PRKDC: variants seen among roughly 807,000 people sequenced by gnomAD.
The protein encoded by PRKDC is protein kinase, DNA-activated, catalytic subunit.
A neutral mutation model predicts 486.9 loss-of-function variants in PRKDC; 82 were observed. That is an observed-to-expected ratio of 0.17 (90% CI 0.14 to 0.20). PRKDC has a LOEUF of 0.20. Among genes scored for constraint, PRKDC ranks in the 10% least tolerant of loss-of-function variants. The probability of loss-of-function intolerance (pLI) is 1.00; values close to 1 mark genes in which losing one functional copy is unlikely to be tolerated. For missense variants in PRKDC, 4,504 were observed against 5,038.2 expected, an observed-to-expected ratio of 0.89 and a Z score of 3.21; for synonymous variants, 1,895 against 1,837.0, an observed-to-expected ratio of 1.03 and a Z score of -0.81.
At chr8:47,896,519 T>A (rs1362711816) in intron 30 of PRKDC, among the ~76,000 whole-genome samples, 5 of 151,772 alleles carry the variant, frequency 3.3e-5, no homozygotes, top group African/African-American at 7.3e-5. Context: ...CGGTGGCGGG[T>A]GCCTGTAGTC....
In PRKDC at chr8:47,788,902, A is replaced by G; in HGVS notation, c.10902+4T>C. On this transcript the variant is annotated splice_donor_region_variant and intron_variant, in intron 76 of 85. Transcript: ENST00000314191. Reference sequence around the variant, plus strand: ...TCAAAATAGCAGGCTGTGCCAGTCCATACCTGAATAAACTTCCTTCTAAAG... The same window carrying G: ...TCAAAATAGCAGGCTGTGCCAGTCCGTACCTGAATAAACTTCCTTCTAAAG... The G allele has an allele frequency of 1.3e-6, 2 of 1,589,780 alleles. No individual in the cohort carries two copies. Among genetic ancestry groups the G allele is most frequent in the Non-Finnish European group, 8.5e-7 (1 of 1,172,330 alleles).
At chr8:47,943,666 T>C (rs1309842548) in intron 9 of PRKDC, among the ~76,000 whole-genome samples, 187 bp downstream of exon 9, 1 of 152,216 alleles carries the variant, frequency 6.6e-6, no homozygotes, top group African/African-American at 2.4e-5. Flanking sequence ...CTTTCAACCA[T>C]GTAACCTGAG....
chr8:47,932,092 T>C (rs1344873583), intron 16 of PRKDC, among the ~76,000 whole-genome samples: 2 of 150,738 alleles, frequency 1.3e-5, no homozygotes, highest in African/African-American at 2.4e-5. Flanking sequence ...TTTGTTTGTT[T>C]GTTTGTTTTG....
intron 22 of PRKDC, among the ~76,000 whole-genome samples, chr8:47,916,088 A>G (rs1450968278): frequency 6.6e-6 from 1 of 152,270 alleles, no homozygotes; most frequent in East Asian, 1.9e-4. Flanking sequence ...AGATATTCCA[A>G]ATGTTGACAC....
chr8:47,831,407 G>A (rs1164419642), intron 60 of PRKDC, among the ~76,000 whole-genome samples: 1 of 152,196 alleles, frequency 6.6e-6, no homozygotes, highest in Non-Finnish European at 1.5e-5. Context: ...TGGACGCCGC[G>A]GCTACGGAGT....
At chr8:47,786,723 CT>C (rs5891257) in intron 76 of PRKDC, among the ~76,000 whole-genome samples, 77 of 88,244 alleles carry the variant, frequency 8.7e-4, no homozygotes, top group African/African-American at 3.4e-3. Context: ...ATTATTTAAT[CT>C]TTTTTTTTTT....
chr8:47,830,859 C>A (rs1214217282), intron 60 of PRKDC, 123 bp from the exon 61 acceptor site: 2 of 1,197,488 alleles, frequency 1.7e-6, no homozygotes, highest in Admixed American at 1.9e-5. Context: ...AACTGATGCT[C>A]GCAGAGGCTC....
chr8:47,952,671 C>T (rs2090644646), intron 7 of PRKDC, among the ~76,000 whole-genome samples: 1 of 151,522 alleles, frequency 6.6e-6, no homozygotes, highest in Admixed American at 6.6e-5. Context: ...GCCTGGGCAA[C>T]ATAATGATAC....
intron 63 of PRKDC, among the ~76,000 whole-genome samples, chr8:47,824,433 T>C (rs1284207408): frequency 4.0e-5 from 5 of 126,004 alleles, no homozygotes; most frequent in African/African-American, 1.5e-4. Flanking sequence ...ATCACCCTAC[T>C]GCACTCCAGC....
At chr8:47,837,454 A>G (rs767064722) in intron 56 of PRKDC, 35 bp from the exon 57 acceptor site, 26 of 1,494,878 alleles carry the variant, frequency 1.7e-5, no homozygotes, top group Non-Finnish European at 2.8e-6. Flanking sequence ...TATTGCTTAG[A>G]CAATGGCAAA....
At chr8:47,797,220 T>C (rs2087001684) in intron 73 of PRKDC, among the ~76,000 whole-genome samples, 1 of 152,216 alleles carries the variant, frequency 6.6e-6, no homozygotes, top group Admixed American at 6.5e-5. Flanking sequence ...ACTGGGTGTT[T>C]TGACAACGTG....
Position 47,858,598 on chromosome 8 carries a change from A to T in PRKDC, c.6383T>A (p.Phe2128Tyr), listed in dbSNP as rs1050768852. 2 of 1,556,286 alleles carry T rather than the reference A, an allele frequency of 1.3e-6. No individual in the cohort carries two copies. Among genetic ancestry groups the T allele is most frequent in the Admixed American group, 2.1e-5 (1 of 48,008 alleles). ...TGGATTTCCCAGTTTGCCATGGAGG[A>T]ATTTCATCCAAGAAGGAAGATCTCT... ...VPRDLPSWMK[F>Y]LHGKLGNPIV... The change falls in exon 48 of 86, where the codon TTC becomes TAC. Residue 2128 changes from phenylalanine (F) to tyrosine (Y), a missense_variant. Phe to Tyr is a conservative substitution (Grantham distance 22). Transcript: ENST00000314191.
chr8:47,810,453 AT>A (rs2087303348), intron 68 of PRKDC, among the ~76,000 whole-genome samples: 1 of 152,248 alleles, frequency 6.6e-6, no homozygotes. Context: ...AAGGTTTGGT[AT>A]TATCCATGGT....
intron 48 of PRKDC, among the ~76,000 whole-genome samples, chr8:47,857,868 G>C (rs1223879386): frequency 6.6e-6 from 1 of 152,162 alleles, no homozygotes; most frequent in African/African-American, 2.4e-5. Flanking sequence ...CCACCACTTA[G>C]TGCCCTTAGT....
chr8:47,816,231 A>G (rs2087439938), intron 68 of PRKDC, among the ~76,000 whole-genome samples: 1 of 152,098 alleles, frequency 6.6e-6, no homozygotes, highest in Non-Finnish European at 1.5e-5. Flanking sequence ...TATCACCAGT[A>G]AAAGGCAGAT....
chr8:47,897,544 C>T (rs894117814), intron 29 of PRKDC, among the ~76,000 whole-genome samples: 2 of 152,188 alleles, frequency 1.3e-5, no homozygotes, highest in African/African-American at 2.4e-5. Flanking sequence ...CTTAAAAGAA[C>T]AGCACTAAGT....
intron 66 of PRKDC, among the ~76,000 whole-genome samples, chr8:47,819,768 G>A (rs116338031): frequency 0.01 from 1,556 of 152,142 alleles, 26 homozygotes; most frequent in African/African-American, 0.035. Context: ...TCACTGCCTC[G>A]ACTTGCCACC....
At chr8:47,802,039 T>C (rs2087118634) in intron 70 of PRKDC, among the ~76,000 whole-genome samples, 1 of 152,212 alleles carries the variant, frequency 6.6e-6, no homozygotes, top group South Asian at 2.1e-4. Flanking sequence ...TATAATTATT[T>C]AGCAATCATA....
At chr8:47,946,434 G>A (rs541536514) in intron 7 of PRKDC, among the ~76,000 whole-genome samples, 21 of 151,910 alleles carry the variant, frequency 1.4e-4, no homozygotes, top group Middle Eastern at 6.8e-3. Context: ...ACTTCCTCCC[G>A]CTCTTCACTC....
Sources: allele counts gnomAD v4.1 joint callset (sites outside exome capture counted in the v4.1 genomes callset), GRCh38; gene constraint gnomAD v4.1.1; transcripts MANE v1.5; gene names NCBI Gene and HGNC (gene_info 2026-07-23, HGNC 2026-07-21).